The following SEMA6D variants were observed in gnomAD, a reference collection of about 807,000 sequenced individuals.
SEMA6D encodes the protein semaphorin-6D.
Under a neutral mutation model 106.6 loss-of-function variants are expected in SEMA6D, and 35 were observed. The ratio of observed to expected loss-of-function variants is 0.33; its 90% CI spans 0.25 to 0.44. SEMA6D has a LOEUF of 0.44. Among genes scored for constraint, SEMA6D ranks in the 20% least tolerant of loss-of-function variants. SEMA6D has a pLI of 1.00. For missense variants in SEMA6D, 1,185 were observed against 1,345.9 expected (o/e 0.88, Z 1.87); for synonymous variants, 499 against 487.7 (o/e 1.02, Z -0.31).
chr15:47,267,504 GA>G (rs1436463004), intron 1 of SEMA6D, among the ~76,000 whole-genome samples: 10 of 151,876 alleles, frequency 6.6e-5, no homozygotes, highest in African/African-American at 2.4e-4. Flanking sequence ...ATATGTCTCT[GA>G]ATGTATTTTC....
intron 2 of SEMA6D, among the ~76,000 whole-genome samples, chr15:47,465,318 A>T (rs567224217): frequency 6.6e-6 from 1 of 152,176 alleles, no homozygotes; most frequent in African/African-American, 2.4e-5. Context: ...GGTTCTTAAT[A>T]ATAAGCCCCT....
At chr15:47,312,131 A>G (rs1210890303) in intron 1 of SEMA6D, among the ~76,000 whole-genome samples, 3 of 134,776 alleles carry the variant, frequency 2.2e-5, no homozygotes, top group African/African-American at 8.2e-5. Context: ...ATTTTTGCTT[A>G]GGCGTCTTTC....
intron 4 of SEMA6D, among the ~76,000 whole-genome samples, chr15:47,616,017 C>T (rs758554604): frequency 3.9e-5 from 6 of 152,162 alleles, no homozygotes; most frequent in Non-Finnish European, 7.3e-5. Flanking sequence ...TAAAGTCTTC[C>T]TGTAAATTAG....
chr15:47,766,732 GT>G, intron 16 of SEMA6D, 55 bp downstream of exon 16: 6 of 1,164,772 alleles, frequency 5.2e-6, no homozygotes, highest in Non-Finnish European at 7.7e-6. Context: ...ACATTTGCAC[GT>G]CGACATTATT....
intron 1 of SEMA6D, among the ~76,000 whole-genome samples, chr15:47,193,602 T>C (rs777067543): frequency 6.6e-6 from 1 of 152,216 alleles, no homozygotes; most frequent in Non-Finnish European, 1.5e-5. Context: ...TGTAGTCACA[T>C]ACATCAACTT....
At chr15:47,479,780 C>T (rs1567109645) in intron 3 of SEMA6D, among the ~76,000 whole-genome samples, 1 of 151,894 alleles carries the variant, frequency 6.6e-6, no homozygotes, top group Non-Finnish European at 1.5e-5. Flanking sequence ...AATGAAAGCA[C>T]ACATCTACAG....
chr15:47,692,604 A>G (rs920453895), intron 4 of SEMA6D, among the ~76,000 whole-genome samples: 5 of 152,188 alleles, frequency 3.3e-5, no homozygotes, highest in Admixed American at 2.0e-4. Flanking sequence ...TGATTCTCCA[A>G]TGCTCAAAGC....
intron 3 of SEMA6D, among the ~76,000 whole-genome samples, chr15:47,490,607 T>G (rs1471592545): frequency 6.6e-6 from 1 of 152,204 alleles, no homozygotes; most frequent in Non-Finnish European, 1.5e-5. Context: ...ATTGCGCCAC[T>G]GCACTCCAGC....
At chr15:47,395,018 C>T (rs982713477) in intron 1 of SEMA6D, among the ~76,000 whole-genome samples, 6 of 151,696 alleles carry the variant, frequency 4.0e-5, no homozygotes, top group East Asian at 3.9e-4. Context: ...GATGCCATGT[C>T]CCCAAATATA....
intron 3 of SEMA6D, among the ~76,000 whole-genome samples, chr15:47,532,690 C>A (rs1175731397): frequency 6.6e-6 from 1 of 152,188 alleles, no homozygotes; most frequent in African/African-American, 2.4e-5. Context: ...TTGGCCAATC[C>A]ACAGTGGCTG....
intron 3 of SEMA6D, among the ~76,000 whole-genome samples, chr15:47,520,776 G>A (rs957076788): frequency 6.6e-6 from 1 of 152,152 alleles, no homozygotes; most frequent in Non-Finnish European, 1.5e-5. Flanking sequence ...CTAACATCAA[G>A]TACCAGGCAC....
intron 1 of SEMA6D, among the ~76,000 whole-genome samples, chr15:47,247,431 GA>G (rs367842940): frequency 0.012 from 1,777 of 145,770 alleles, 33 homozygotes; most frequent in Admixed American, 0.013. Flanking sequence ...TAGCAAAAGT[GA>G]AAAAAAAAAC....
intron 3 of SEMA6D, among the ~76,000 whole-genome samples, chr15:47,534,590 T>C (rs986378937): frequency 1.3e-5 from 2 of 152,246 alleles, no homozygotes; most frequent in African/African-American, 4.8e-5. Flanking sequence ...TTATATTAAG[T>C]ATATGCCATT....
At chr15:47,207,993 GCACACA>G (rs57079521) in intron 1 of SEMA6D, among the ~76,000 whole-genome samples, 5,416 of 89,300 alleles carry the variant, frequency 0.061, 201 homozygotes, top group Non-Finnish European at 0.07. Flanking sequence ...TGGCGCGCGC[GCACACA>G]CACACACACA....
intron 3 of SEMA6D, among the ~76,000 whole-genome samples, chr15:47,545,914 C>T (rs769091175): frequency 2.6e-5 from 4 of 152,052 alleles, no homozygotes; most frequent in Non-Finnish European, 4.4e-5. Flanking sequence ...GTCTAGGCTA[C>T]ATGAAAGGCC....
chr15:47,627,920 A>G (rs2077230531), intron 4 of SEMA6D, among the ~76,000 whole-genome samples: 1 of 152,140 alleles, frequency 6.6e-6, no homozygotes, highest in African/African-American at 2.4e-5. Context: ...AGAATGTTGT[A>G]TAAATAAAAT....
At chr15:47,320,302 C>T (rs1005572332) in intron 1 of SEMA6D, among the ~76,000 whole-genome samples, 2 of 152,132 alleles carry the variant, frequency 1.3e-5, no homozygotes, top group Admixed American at 6.5e-5. Context: ...CCTCTTGGTA[C>T]CCCTGGCTAG....
intron 1 of SEMA6D, among the ~76,000 whole-genome samples, chr15:47,228,024 T>A (rs28482862): frequency 4.0e-4 from 50 of 124,414 alleles, no homozygotes; most frequent in Admixed American, 1.7e-3. Context: ...AATCATATAT[T>A]TTTTATATAT....
At chr15:47,459,692 A>C (rs1334869678) in intron 2 of SEMA6D, among the ~76,000 whole-genome samples, 1 of 152,082 alleles carries the variant, frequency 6.6e-6, no homozygotes. Flanking sequence ...ACCTCAAAAC[A>C]AACAATAGGT....
Sources: gnomAD v4.1 joint callset for allele counts (sites outside exome capture counted in the v4.1 genomes callset) on GRCh38, gnomAD v4.1.1 for gene constraint, MANE v1.5 for transcripts, NCBI Gene and HGNC (gene_info 2026-07-23, HGNC 2026-07-21) for gene names.